The following DNAH9 variants were observed in gnomAD, a reference collection of about 807,000 sequenced individuals.
DNAH9 encodes DNAH9 variant protein.
Under a neutral mutation model 471.6 loss-of-function variants are expected in DNAH9, and 345 were observed. The observed-to-expected ratio is 0.73, with a 90% CI of 0.67 to 0.80. The LOEUF (loss-of-function observed/expected upper bound fraction) is 0.80, where lower values mean the gene tolerates loss of function less well. Ranked by LOEUF, DNAH9 falls within the 30% of genes least tolerant of loss-of-function variation. DNAH9 has a pLI of 0.00. For synonymous variants in DNAH9, 2,093 were observed against 2,123.6 expected (o/e 0.99, Z 0.40); for missense variants, 5,407 against 5,609.2 (o/e 0.96, Z 1.15).
intron 28 of DNAH9, among the ~76,000 whole-genome samples, chr17:11,730,398 T>A (rs2075237508): frequency 6.6e-6 from 1 of 152,230 alleles, no homozygotes; most frequent in Admixed American, 6.5e-5. Flanking sequence ...CTTGTAAGGA[T>A]GTAAGCTGAG....
chr17:11,925,199 C>A (rs1974281357), intron 62 of DNAH9: 1 of 455,724 alleles, frequency 2.2e-6, no homozygotes. Flanking sequence ...TCACCCAGCC[C>A]ACTGCCTTGA....
At chr17:11,762,831 A>G (rs1448353653) in intron 35 of DNAH9, among the ~76,000 whole-genome samples, 7 of 135,626 alleles carry the variant, frequency 5.2e-5, no homozygotes, top group African/African-American at 1.4e-4. Flanking sequence ...CCAGGCTGGA[A>G]TGCAGTGGCC....
chr17:11,715,059 G>A (rs4404111), intron 26 of DNAH9, among the ~76,000 whole-genome samples: 80,695 of 152,074 alleles, frequency 0.53, 23,501 homozygotes, highest in Admixed American at 0.68. Context: ...TTGTTACACA[G>A]CAATAGAAAA....
intron 49 of DNAH9, among the ~76,000 whole-genome samples, 185 bp downstream of exon 49, chr17:11,835,083 C>A (rs1037703409): frequency 6.6e-6 from 1 of 152,172 alleles, no homozygotes; most frequent in Non-Finnish European, 1.5e-5. Context: ...CCATGAGCTA[C>A]CAATGAAATC....
chr17:11,705,130 T>C lies in DNAH9; in HGVS notation c.5497T>C (p.Ser1833Pro). 6.2e-7 allele frequency: 1 copy of C among 1,614,168 alleles called. No homozygotes were observed. Among genetic ancestry groups the C allele is most frequent in the Non-Finnish European group, 8.5e-7 (1 of 1,180,000 alleles). The change falls in exon 26 of 69, where the codon TCC becomes CCC. Residue 1833 changes from serine to proline, a missense_variant. Ser to Pro is a moderately conservative substitution (Grantham distance 74). Coordinates refer to ENST00000262442, the MANE Select transcript of DNAH9 (RefSeq NM_001372.4). ...ANICDAQFLY[S>P]YEYLGNTPRL... The stretch of plus-strand genomic sequence containing the variant: ...CATCTGTGATGCCCAGTTTTTGTAT[T>C]CCTATGAGTACCTGGGAAACACACC...
At chr17:11,780,413 CATCT>C (rs1968624939) in intron 38 of DNAH9, among the ~76,000 whole-genome samples, 1 of 152,210 alleles carries the variant, frequency 6.6e-6, no homozygotes, top group South Asian at 2.1e-4. Context: ...GAGGAAAGGG[CATCT>C]ACCCAGCCCT....
intron 8 of DNAH9, among the ~76,000 whole-genome samples, chr17:11,635,979 GT>G (rs1033651606): frequency 2.3e-5 from 3 of 132,640 alleles, no homozygotes; most frequent in African/African-American, 8.0e-5. Flanking sequence ...TCTAGGTTTT[GT>G]TTTTTTTGTT....
In DNAH9 at chr17:11,816,436, A is replaced by G. The variant is rs548964593; in HGVS notation, c.8708-5484A>G. Among the ~76,000 whole-genome samples, 12 of 152,354 alleles carry G rather than the reference A, an allele frequency of 7.9e-5. No homozygotes were observed. The South Asian group carries it at 2.5e-3, about 32-fold the overall frequency. The stretch of plus-strand genomic sequence containing the variant: ...AAGTAAAGTAAGTAACAGCATGAGA[A>G]TGATGTGCCATTAAATACTACTATT... On this transcript the variant is annotated intron_variant, in intron 45 of 68. Coordinates refer to ENST00000262442, the MANE Select transcript of DNAH9 (RefSeq NM_001372.4).
At chr17:11,881,050 T>C (rs145812335) in intron 54 of DNAH9, among the ~76,000 whole-genome samples, 159 bp from the exon 55 acceptor site, 128 of 152,138 alleles carry the variant, frequency 8.4e-4, no homozygotes, top group African/African-American at 2.9e-3. Flanking sequence ...TCCACACCTG[T>C]TCCCAACATT....
intron 38 of DNAH9, among the ~76,000 whole-genome samples, chr17:11,770,913 T>C (rs1245211715): frequency 6.6e-6 from 1 of 152,160 alleles, no homozygotes; most frequent in South Asian, 2.1e-4. Context: ...CCGTGGCCAA[T>C]TGTAAGCTAC....
At position 11,902,769 on chromosome 17, in the gene DNAH9, A is replaced by T; in HGVS notation, c.11457A>T (p.Gly3819=). The T allele has an allele frequency of 1.2e-6, 2 of 1,614,064 alleles. No homozygotes were observed. Among genetic ancestry groups the T allele is most frequent in the South Asian group, 2.2e-5 (2 of 91,082 alleles). Residue 3819 remains glycine (G), a synonymous_variant, in exon 60 of 69, where the codon GGA becomes GGT. Coordinates refer to ENST00000262442, the MANE Select transcript of DNAH9 (RefSeq NM_001372.4). ...EFSNLDRDIE[G]SAKSWKKFVE... is the part of the protein sequence containing the mutation. ...CTAATCTGGATCGGGACATAGAGGG[A>T]TCTGCTAAGAGCTGGAAAAAGTTTG...
At position 11,885,045 on chromosome 17, in the gene DNAH9, T is replaced by C. The variant is rs546271468; in HGVS notation, c.10971+1295T>C. ...CAGTTTCTTTTTGTCTTCTCTCTCT[T>C]TCTCATTTATTCATCTCATGAACAC... On this transcript the variant is annotated intron_variant, in intron 56 of 68. Coordinates refer to ENST00000262442, the MANE Select transcript of DNAH9 (RefSeq NM_001372.4). Among the ~76,000 whole-genome samples, 28 of 152,324 alleles carry C rather than the reference T, an allele frequency of 1.8e-4. 1 individual carries two copies. The South Asian group carries it at 5.8e-3, about 32-fold the overall frequency.
chr17:11,598,711 G>T lies in DNAH9; in HGVS notation c.213G>T (p.Leu71=). 1 of 1,377,616 alleles carries T rather than the reference G, an allele frequency of 7.3e-7. No individual in the cohort carries two copies. The highest frequency in any genetic ancestry group is 9.3e-7 in the Non-Finnish European group (1 of 1,072,594). The allele number at this position is 1,377,616 out of a possible 1,614,324, so 85.3% of individuals were successfully genotyped here. The stretch of plus-strand genomic sequence containing the variant: ...ATGCTGCCGAGGGGCCGCGGCCGCT[G>T]CTGGTGGTGCGGCCCGGGCCCAGGG... ...GRDAAEGPRP[L]LVVRPGPRGL... The change falls in exon 1 of 69, where the codon CTG becomes CTT. Residue 71 remains leucine (L), a synonymous_variant. Transcript: ENST00000262442.
chr17:11,882,873 T>TA, intron 55 of DNAH9: 1 of 952,340 alleles, frequency 1.1e-6, no homozygotes, highest in Middle Eastern at 5.4e-4. Flanking sequence ...GAACAGCAAA[T>TA]CCTGGTCTTA....
chr17:11,888,170 G>A (rs1012390605), intron 57 of DNAH9, among the ~76,000 whole-genome samples: 1 of 151,846 alleles, frequency 6.6e-6, no homozygotes, highest in African/African-American at 2.4e-5. Flanking sequence ...ATTTTTAGTA[G>A]AGACGGGGTT....
At chr17:11,778,355 A>G (rs1426130712) in intron 38 of DNAH9, among the ~76,000 whole-genome samples, 48 of 138,272 alleles carry the variant, frequency 3.5e-4, no homozygotes, top group African/African-American at 5.9e-4. Flanking sequence ...AAAAAAAAAA[A>G]AAAAAAAGAA....
At chr17:11,949,325 C>T (rs1218592250) in intron 67 of DNAH9, among the ~76,000 whole-genome samples, 8 of 152,080 alleles carry the variant, frequency 5.3e-5, no homozygotes, top group Admixed American at 3.9e-4. Flanking sequence ...TTTTCTTGAG[C>T]GAAGGGTCCA....
At chr17:11,651,466 C>T in intron 13 of DNAH9, 142 bp downstream of exon 13, 1 of 826,708 alleles carries the variant, frequency 1.2e-6, no homozygotes, top group Non-Finnish European at 1.8e-6. Context: ...CATATCCAAG[C>T]AGAGAAGGCA....
At chr17:11,793,700 A>C (rs764119059) in intron 42 of DNAH9, 36 bp downstream of exon 42, 5 of 1,446,868 alleles carry the variant, frequency 3.5e-6, no homozygotes, top group African/African-American at 1.5e-5. Context: ...TTGTATTTGA[A>C]AAAAAAAAAG....
Sources: gnomAD v4.1 joint callset for allele counts (sites outside exome capture counted in the v4.1 genomes callset) on GRCh38, gnomAD v4.1.1 for gene constraint, MANE v1.5 for transcripts, NCBI Gene and HGNC (gene_info 2026-07-23, HGNC 2026-07-21) for gene names.